SIN3A: variants seen among roughly 807,000 people sequenced by gnomAD.
The protein encoded by SIN3A is paired amphipathic helix protein Sin3a.
SIN3A carries 14 observed loss-of-function variants against 146.1 expected under a neutral mutation model. The observed-to-expected ratio is 0.10, with a 90% CI of 0.06 to 0.15. SIN3A has a LOEUF of 0.15. Among genes scored for constraint, SIN3A ranks in the 10% least tolerant of loss-of-function variants. The pLI is 1.00. For synonymous variants in SIN3A, 572 were observed against 572.0 expected, an observed-to-expected ratio of 1.00 and a Z score of 0.00; for missense variants, 1,028 against 1,576.0, an observed-to-expected ratio of 0.65 and a Z score of 5.89.
intron 9 of SIN3A, among the ~76,000 whole-genome samples, chr15:75,403,440 A>C (rs796897631): frequency 4.1e-4 from 62 of 152,112 alleles, no homozygotes; most frequent in African/African-American, 1.5e-3. Context: ...CAAAAAAAAA[A>C]TACCATAATA....
rs142106931 is a variant in SIN3A at position 75,429,099 on chromosome 15, T to C, written c.189+1088A>G. 4.2e-3 allele frequency among the ~76,000 whole-genome samples: 634 copies of C among 152,308 alleles called. 5 individuals carry two copies. The highest frequency in any genetic ancestry group is 0.015 in the African/African-American group (622 of 41,558). On this transcript the variant is annotated intron_variant, in intron 2 of 20. Transcript: ENST00000394947. The stretch of plus-strand genomic sequence containing the variant: ...GGTAAAGCTTCTGGACAATAGGCTA[T>C]TTGTATTTAAGTTTTAGGGGAGTCA...
Position 75,371,914 on chromosome 15 carries a change from GT to G in SIN3A, c.*64del. 7.1e-6 allele frequency: 10 copies of G among 1,398,718 alleles called. No individual in the cohort carries two copies. Among genetic ancestry groups the G allele is most frequent in the Non-Finnish European group, 9.1e-6 (9 of 991,700 alleles). The allele number at this position is 1,398,718 out of a possible 1,614,324, so 86.6% of individuals were successfully genotyped here. A position where few individuals can be genotyped will look rare whatever the true frequency, so the allele number is the denominator to read the frequency against. On this transcript the variant is annotated 3_prime_UTR_variant, in exon 21 of 21. Transcript: ENST00000394947. Reference sequence around the variant, plus strand: ...GGCATCTTCCTTGTTTCTTCAGTGTGTGAGTGCATAGGCCCACACACACATC... The same window carrying G: ...GGCATCTTCCTTGTTTCTTCAGTGTGGAGTGCATAGGCCCACACACACATC...
intron 16 of SIN3A, among the ~76,000 whole-genome samples, chr15:75,386,465 G>A (rs927212073): frequency 3.9e-5 from 6 of 152,154 alleles, no homozygotes; most frequent in African/African-American, 1.2e-4. Context: ...CACCCCCACT[G>A]CTAAGCAGAT....
intron 3 of SIN3A, chr15:75,421,882 TG>T (rs2073844676): frequency 6.6e-6 from 1 of 152,196 alleles, no homozygotes; most frequent in East Asian, 1.9e-4. Context: ...GGATGCCTCA[TG>T]AATTTCAAAG....
Position 75,401,916 on chromosome 15 carries a change from C to T in SIN3A, c.1462G>A (p.Val488Ile), listed in dbSNP as rs2073418125. Reference sequence around the variant, plus strand: ...GAGATCACCTCCTGGTTAAAAATAACAAGACAGCGTAGGAAATTTTCGTAG... The same window carrying T: ...GAGATCACCTCCTGGTTAAAAATAATAAGACAGCGTAGGAAATTTTCGTAG... The part of the protein sequence containing the change: ...EAYENFLRCL[V>I]IFNQEVISRA... Residue 488 changes from valine to isoleucine, a missense_variant, in exon 10 of 21, where the codon GTT becomes ATT. Val to Ile is a conservative substitution (Grantham distance 29). Around this residue, in one of 9 missense-constraint regions of SIN3A, gnomAD observed 157 missense variants for 284.8 expected, o/e 0.55. Transcript: ENST00000394947. 1 of 1,614,038 alleles carries T rather than the reference C, an allele frequency of 6.2e-7. No individual in the cohort carries two copies. The highest frequency in any genetic ancestry group is 1.1e-5 in the South Asian group (1 of 91,086).
chr15:75,432,403 T>C (rs1055775287), intron 1 of SIN3A, among the ~76,000 whole-genome samples: 5 of 152,142 alleles, frequency 3.3e-5, no homozygotes, highest in African/African-American at 7.2e-5. Context: ...CAATACTTTA[T>C]TGGCCGGATG....
intron 9 of SIN3A, 100 bp downstream of exon 9, chr15:75,406,955 A>G: frequency 1.4e-6 from 1 of 722,918 alleles, no homozygotes; most frequent in African/African-American, 1.8e-5. Context: ...AGAAAGTCCT[A>G]ATTAGCCTGA....
At chr15:75,394,429 A>G (rs2073265557) in intron 14 of SIN3A, among the ~76,000 whole-genome samples, 2 of 152,190 alleles carry the variant, frequency 1.3e-5, no homozygotes. Context: ...GAAGTGGAAA[A>G]TGGAGGCAGG....
Position 75,389,834 on chromosome 15 carries a change from T to G in SIN3A, c.2852-13A>C, listed in dbSNP as rs776946351. On this transcript the variant is annotated splice_polypyrimidine_tract_variant and intron_variant, in intron 15 of 20. Transcript: ENST00000394947. ...ACATCAACATCCACTGTGGGAGAGATGGGATTGGTGAGGCCTTACCTTGCT... is the reference window on the plus strand; with the variant it reads ...ACATCAACATCCACTGTGGGAGAGAGGGGATTGGTGAGGCCTTACCTTGCT... 1 of 1,613,402 alleles carries G rather than the reference T, an allele frequency of 6.2e-7. No individual in the cohort carries two copies. Among genetic ancestry groups the G allele is most frequent in the Non-Finnish European group, 8.5e-7 (1 of 1,179,536 alleles).
At chr15:75,411,222 G>T (rs2073632867) in intron 6 of SIN3A, among the ~76,000 whole-genome samples, 1 of 151,980 alleles carries the variant, frequency 6.6e-6, no homozygotes, top group South Asian at 2.1e-4. Flanking sequence ...CAGCTACTAG[G>T]GAGGCTAAGG....
At position 75,414,300 on chromosome 15, in the gene SIN3A, C is replaced by A; in HGVS notation, c.378G>T (p.Ala126=). The part of the protein sequence containing the change: ...QQFQRLKVED[A]LSYLDQVKLQ... ...GCTTCACCTGGTCAAGATAAGATAG[C>A]GCATCCTCCACCTGAGGCAGGGATA... Residue 126 remains alanine, a synonymous_variant, in exon 4 of 21, where the codon GCG becomes GCT. Coordinates refer to ENST00000394947, the MANE Select transcript of SIN3A (RefSeq NM_001145358.2). 6.7e-7 allele frequency: 1 copy of A among 1,501,722 alleles called. No homozygotes were observed. The highest frequency in any genetic ancestry group is 9.0e-7 in the Non-Finnish European group (1 of 1,108,936). The allele number at this position is 1,501,722 out of a possible 1,614,324, so 93.0% of individuals were successfully genotyped here.
rs2072755860 is a variant in SIN3A at position 75,371,786 on chromosome 15, A to G, written c.*193T>C. On this transcript the variant is annotated 3_prime_UTR_variant, in exon 21 of 21. Coordinates refer to ENST00000394947, the MANE Select transcript of SIN3A (RefSeq NM_001145358.2). ...GGAAAAGTTCCAGCTTCAGCTTTGT[A>G]AGGTATTCATGTTCCTAACAGGTAG... 1 of 576,542 alleles carries G rather than the reference A, an allele frequency of 1.7e-6. No individual in the cohort carries two copies. The highest frequency in any genetic ancestry group is 3.1e-6 in the Non-Finnish European group (1 of 323,452). The allele number at this position is 576,542 out of a possible 1,614,324, so 35.7% of individuals were successfully genotyped here.
intron 19 of SIN3A, among the ~76,000 whole-genome samples, chr15:75,378,306 C>T (rs922773232): frequency 3.3e-5 from 5 of 152,200 alleles, no homozygotes; most frequent in Admixed American, 2.6e-4. Context: ...GGCTCACACC[C>T]GTAATCACAG....
At chr15:75,419,238 T>A (rs2073799293) in intron 3 of SIN3A, 3 of 152,224 alleles carry the variant, frequency 2.0e-5, no homozygotes, top group Admixed American at 6.5e-5. Context: ...TTTTAATTCA[T>A]ATTCTGAACT....
At position 75,375,654 on chromosome 15, in the gene SIN3A, C is replaced by G; in HGVS notation, c.3591+11G>C. On this transcript the variant is annotated intron_variant, in intron 20 of 20. Coordinates refer to ENST00000394947, the MANE Select transcript of SIN3A (RefSeq NM_001145358.2). ...GAGATGTGTACAGAAATTTCAGTTACTGGTTCTCACCTGATGAGCCCGGAG... is the reference window on the plus strand; with the variant it reads ...GAGATGTGTACAGAAATTTCAGTTAGTGGTTCTCACCTGATGAGCCCGGAG... The G allele has an allele frequency of 6.2e-7, 1 of 1,611,584 alleles. No homozygotes were observed. Among genetic ancestry groups the G allele is most frequent in the Non-Finnish European group, 8.5e-7 (1 of 1,177,658 alleles).
intron 2 of SIN3A, among the ~76,000 whole-genome samples, chr15:75,427,440 G>A (rs958448428): frequency 6.6e-6 from 1 of 151,970 alleles, no homozygotes; most frequent in Non-Finnish European, 1.5e-5. Context: ...AAGGCAGACA[G>A]GCGGATCACC....
intron 2 of SIN3A, among the ~76,000 whole-genome samples, chr15:75,424,084 C>G (rs1458738215): frequency 6.6e-6 from 1 of 152,084 alleles, no homozygotes; most frequent in Non-Finnish European, 1.5e-5. Flanking sequence ...CCATCAGGGA[C>G]CACAACTTTT....
chr15:75,449,030 AG>A lies in SIN3A; in HGVS notation c.-34+2392del, dbSNP rs1171273834. 3.3e-5 allele frequency among the ~76,000 whole-genome samples: 5 copies of A among 152,366 alleles called. No individual in the cohort carries two copies. In the East Asian group the frequency reaches 9.6e-4, roughly 29 times the overall value. On this transcript the variant is annotated intron_variant, in intron 1 of 20. Coordinates refer to ENST00000394947, the MANE Select transcript of SIN3A (RefSeq NM_001145358.2). ...GCATTTATGAAAATGTTCCTAATAC[AG>A]CAAAACCAGGTTCTTACTTGAATCC... is the stretch of plus-strand genomic sequence containing the variant.
chr15:75,432,750 A>G (rs2074033968), intron 1 of SIN3A, among the ~76,000 whole-genome samples: 1 of 151,660 alleles, frequency 6.6e-6, no homozygotes, highest in Non-Finnish European at 1.5e-5. Flanking sequence ...TTAAAAAACA[A>G]AAACTTCATA....
Sources: gnomAD v4.1 joint callset for allele counts (sites outside exome capture counted in the v4.1 genomes callset) on GRCh38, gnomAD v4.1.1 for gene constraint, gnomAD v4.1.1 regional missense constraint, MANE v1.5 for transcripts, NCBI Gene and HGNC (gene_info 2026-07-23, HGNC 2026-07-21) for gene names.